The following STMN1 variants were observed in gnomAD, a reference collection of about 807,000 sequenced individuals.
STMN1 encodes stathmin 1.
STMN1 carries 3 observed loss-of-function variants against 19.7 expected under a neutral mutation model. The ratio of observed to expected loss-of-function variants is 0.15; its 90% CI spans 0.07 to 0.39. The LOEUF (loss-of-function observed/expected upper bound fraction) is 0.39. STMN1 is among the 10% of genes least tolerant of loss of function. The pLI is 1.00. For synonymous variants in STMN1, 59 were observed against 58.9 expected, an observed-to-expected ratio of 1.00 and a Z score of -0.01; for missense variants, 99 against 176.0, an observed-to-expected ratio of 0.56 and a Z score of 2.48.
intron 4 of STMN1, among the ~76,000 whole-genome samples, chr1:25,893,930 C>T (rs1322679853): frequency 1.3e-5 from 2 of 152,140 alleles, no homozygotes; most frequent in Non-Finnish European, 2.9e-5. Context: ...GTGGGGTAGC[C>T]TGGATTGGGG....
downstream of STMN1, chr1:25,900,026 A>G (rs1395185806): frequency 3.2e-6 from 3 of 930,438 alleles, no homozygotes; most frequent in Non-Finnish European, 3.8e-6. Flanking sequence ...CAGCCTCTGG[A>G]TACAAGATGA....
intron 4 of STMN1, among the ~76,000 whole-genome samples, chr1:25,886,473 G>A (rs1175745677): frequency 1.3e-5 from 2 of 152,042 alleles, no homozygotes; most frequent in African/African-American, 4.8e-5. Context: ...CTCCTTAGTG[G>A]GAGACGAGTG....
chr1:25,892,613 T>C, intron 4 of STMN1: 1 of 985,264 alleles, frequency 1.0e-6, no homozygotes, highest in Non-Finnish European at 1.2e-6. Context: ...TTCTTGAGAT[T>C]CTAAACAACC....
Position 25,900,877 on chromosome 1 carries a change from C to T in STMN1, c.*139G>A, listed in dbSNP as rs116111782. The T allele has an allele frequency of 2.2e-3, 3,186 of 1,459,024 alleles. 50 individuals are homozygous for T. In the African/African-American group the frequency reaches 0.038, roughly 17 times the overall value. The allele number at this position is 1,459,024 out of a possible 1,614,324, so 90.4% of individuals were successfully genotyped here. A position where few individuals can be genotyped will look rare whatever the true frequency, so the allele number is the denominator to read the frequency against. ...AGCCCCTAAAACAACATCTTACAGT[C>T]TGGATCTGGATCTACCTATACAGTC... On this transcript the variant is annotated 3_prime_UTR_variant, in exon 5 of 5. Transcript: ENST00000455785.
intron 1 of STMN1, chr1:25,905,498 G>C (rs1002486543): frequency 1.3e-5 from 2 of 152,204 alleles, no homozygotes; most frequent in African/African-American, 2.4e-5. Flanking sequence ...CCCTGGTCCG[G>C]GCGAGGAAAA....
At chr1:25,895,640 G>C (rs1207273409), downstream of STMN1, among the ~76,000 whole-genome samples, 2 of 152,206 alleles carry the variant, frequency 1.3e-5, no homozygotes, top group Admixed American at 6.5e-5. Context: ...GCAAGCCCAG[G>C]GTTGCCAGAT....
downstream of STMN1, among the ~76,000 whole-genome samples, chr1:25,898,568 T>C (rs774244350): frequency 6.0e-5 from 9 of 150,362 alleles, no homozygotes; most frequent in Non-Finnish European, 8.8e-5. Context: ...AATGTTAATT[T>C]AAGGGCCTCC....
At chr1:25,898,703 G>A, downstream of STMN1, among the ~76,000 whole-genome samples, 1 of 152,228 alleles carries the variant, frequency 6.6e-6, no homozygotes, top group East Asian at 1.9e-4. Context: ...GCTCCTTGGT[G>A]ACAGCCCCAA....
intron 4 of STMN1, among the ~76,000 whole-genome samples, chr1:25,893,127 ATT>A (rs1311995950): frequency 1.3e-5 from 2 of 152,186 alleles, no homozygotes; most frequent in African/African-American, 4.8e-5. Flanking sequence ...TTTTACTACA[ATT>A]TGTTTAAATT....
Position 25,900,381 on chromosome 1 carries a change from C to A in STMN1, c.*635G>T. 1.0e-6 allele frequency: 1 copy of A among 985,708 alleles called. No homozygotes were observed. Among genetic ancestry groups the A allele is most frequent in the Non-Finnish European group, 1.2e-6 (1 of 829,942 alleles). 61.1% of individuals were successfully genotyped at this position (985,708 alleles called of 1,614,324 possible). On this transcript the variant is annotated 3_prime_UTR_variant, in exon 5 of 5. Transcript: ENST00000455785. ...GCTGACCTGGGCTGAGGCATCCAAA[C>A]AAAGCAGTCATTGTGGAAGGAGACA...
chr1:25,887,475 A>C (rs2048733308), intron 4 of STMN1: 2 of 367,226 alleles, frequency 5.4e-6, no homozygotes, highest in Non-Finnish European at 1.1e-5. Flanking sequence ...AGATGGCTAC[A>C]TGAACATGCA....
At chr1:25,892,606 T>C (rs2048786115) in intron 4 of STMN1, 2 of 985,418 alleles carry the variant, frequency 2.0e-6, no homozygotes, top group Admixed American at 6.1e-5. Context: ...GCTGAGATTC[T>C]TGAGATTCTA....
chr1:25,887,454 T>C, intron 4 of STMN1: 1 of 384,686 alleles, frequency 2.6e-6, no homozygotes, highest in South Asian at 2.4e-5. Flanking sequence ...ACAAGGGCTA[T>C]CTGGCATCTT....
At chr1:25,886,484 C>T (rs1332691956) in intron 4 of STMN1, among the ~76,000 whole-genome samples, 1 of 151,968 alleles carries the variant, frequency 6.6e-6, no homozygotes, top group Non-Finnish European at 1.5e-5. Context: ...GAGACGAGTG[C>T]ACCTGCATCC....
intron 4 of STMN1, among the ~76,000 whole-genome samples, chr1:25,886,239 A>T (rs2048719911): frequency 6.6e-6 from 1 of 152,130 alleles, no homozygotes; most frequent in South Asian, 2.1e-4. Context: ...TATGAATTGG[A>T]GGACAGTGGG....
chr1:25,903,222 G>A (rs2048895397), intron 3 of STMN1: 1 of 165,464 alleles, frequency 6.0e-6, no homozygotes, highest in Middle Eastern at 3.0e-3. Flanking sequence ...AATTTAAAAT[G>A]TTATTGTACA....
At chr1:25,903,610 T>C (rs2124254946) in intron 3 of STMN1, 31 bp downstream of exon 3, 4 of 1,607,478 alleles carry the variant, frequency 2.5e-6, no homozygotes, top group East Asian at 4.5e-5. Flanking sequence ...CATAAATTAA[T>C]ATCCTGCTTT....
chr1:25,901,867 G>A (rs778882882), intron 3 of STMN1, 185 bp from the exon 4 acceptor site: 41 of 410,530 alleles, frequency 1.0e-4, no homozygotes, highest in Non-Finnish European at 1.3e-4. Flanking sequence ...AAAATTAGCC[G>A]GGCGTGGTGG....
At chr1:25,898,419 G>A (rs746103991), downstream of STMN1, among the ~76,000 whole-genome samples, 42 of 152,262 alleles carry the variant, frequency 2.8e-4, no homozygotes, top group South Asian at 8.3e-4. Context: ...GTATGTGGTC[G>A]AGAGCCTCAC....
Sources: allele counts gnomAD v4.1 joint callset (sites outside exome capture counted in the v4.1 genomes callset), GRCh38; gene constraint gnomAD v4.1.1; transcripts MANE v1.5; gene names NCBI Gene and HGNC (gene_info 2026-07-23, HGNC 2026-07-21).